Variants in LEPR observed in about 807,000 individuals in gnomAD.
LEPR encodes OB receptor.
In LEPR, 56 loss-of-function variants were observed where a neutral mutation model predicts 114.7. The observed-to-expected ratio is 0.49, with a 90% confidence interval of 0.39 to 0.61. LEPR has a LOEUF of 0.61. LEPR is among the 20% of genes least tolerant of loss of function. The pLI is 0.00. For synonymous variants in LEPR, 443 were observed against 461.4 expected (o/e 0.96, Z 0.51); for missense variants, 1,202 against 1,352.9 (o/e 0.89, Z 1.75).
intron 5 of LEPR, chr1:65,577,720 G>T: frequency 5.8e-6 from 1 of 173,816 alleles, no homozygotes; most frequent in African/African-American, 2.4e-5. Flanking sequence ...GCTTCGAACT[G>T]TGGCTCTAGT....
chr1:65,586,864 A>G (rs1655350612), intron 5 of LEPR, among the ~76,000 whole-genome samples: 1 of 152,114 alleles, frequency 6.6e-6, no homozygotes, highest in Non-Finnish European at 1.5e-5. Flanking sequence ...TAATGTAGAT[A>G]CTATATAGTC....
chr1:65,507,499 GTA>G (rs202129292), intron 2 of LEPR, among the ~76,000 whole-genome samples: 6,559 of 137,986 alleles, frequency 0.048, 494 homozygotes, highest in African/African-American at 0.17. Context: ...ATATGTGTGT[GTA>G]TATATATATA....
rs548848340 is a variant in LEPR, at chr1:65,570,728, G to A, written c.296G>A (p.Cys99Tyr). ...CCFRSEQDRN[C>Y]SLCADNIEGK... ...TTTCGGAGTGAGCAAGATAGAAACTGCTCCTTATGTGCAGACAACATTGAA... is the reference window on the plus strand; with the variant it reads ...TTTCGGAGTGAGCAAGATAGAAACTACTCCTTATGTGCAGACAACATTGAA... Residue 99 changes from cysteine (C) to tyrosine (Y), a missense_variant, in exon 4 of 20, where the codon TGC becomes TAC. Transcript: ENST00000349533. 117 of 1,609,092 alleles carry A rather than the reference G, an allele frequency of 7.3e-5. No homozygotes were observed. In the Middle Eastern group the frequency reaches 9.9e-4, roughly 14 times the overall value.
At chr1:65,483,955 T>C (rs1209830008) in intron 2 of LEPR, among the ~76,000 whole-genome samples, 2 of 152,148 alleles carry the variant, frequency 1.3e-5, no homozygotes, top group Non-Finnish European at 2.9e-5. Flanking sequence ...CCTTTTTTTT[T>C]TGAGATAAAG....
chr1:65,465,538 G>C (rs1646999970), intron 2 of LEPR, among the ~76,000 whole-genome samples: 1 of 152,146 alleles, frequency 6.6e-6, no homozygotes, highest in Non-Finnish European at 1.5e-5. Context: ...ATGTCTATTA[G>C]GTCCACTTGG....
chr1:65,461,549 G>A (rs1353323043), intron 2 of LEPR, among the ~76,000 whole-genome samples: 1 of 152,168 alleles, frequency 6.6e-6, no homozygotes, highest in Non-Finnish European at 1.5e-5. Context: ...AAATATCCAC[G>A]AGTCTGTCCA....
intron 19 of LEPR, chr1:65,634,709 T>C (rs1450849743): frequency 1.1e-6 from 1 of 952,266 alleles, no homozygotes; most frequent in Non-Finnish European, 1.2e-6. Context: ...TTTTTTTGTA[T>C]GTATTCCTTG....
chr1:65,603,395 A>G (rs1656586770), intron 10 of LEPR, among the ~76,000 whole-genome samples: 1 of 152,104 alleles, frequency 6.6e-6, no homozygotes, highest in African/African-American at 2.4e-5. Context: ...AATTTTGAGA[A>G]GACAAGAAAA....
At chr1:65,426,127 G>T (rs996358472) in intron 2 of LEPR, among the ~76,000 whole-genome samples, 7 of 134,164 alleles carry the variant, frequency 5.2e-5, no homozygotes, top group African/African-American at 2.7e-4. Flanking sequence ...CCTCTCAGAG[G>T]AGGTAAAAAG....
chr1:65,442,791 A>C (rs1211516132), intron 2 of LEPR, among the ~76,000 whole-genome samples: 1 of 152,226 alleles, frequency 6.6e-6, no homozygotes, highest in African/African-American at 2.4e-5. Context: ...ACAAAGATCA[A>C]ATAACAGTGC....
At chr1:65,503,975 G>A (rs1222513208) in intron 2 of LEPR, among the ~76,000 whole-genome samples, 2 of 152,062 alleles carry the variant, frequency 1.3e-5, no homozygotes, top group East Asian at 3.9e-4. Context: ...TACAATATAA[G>A]TCTGGAGCAT....
intron 2 of LEPR, among the ~76,000 whole-genome samples, chr1:65,487,359 T>C (rs1204996921): frequency 6.6e-6 from 1 of 152,160 alleles, no homozygotes; most frequent in East Asian, 1.9e-4. Context: ...GTTTGTCATA[T>C]CTATTTTGAG....
At chr1:65,440,903 G>T (rs1316844408) in intron 2 of LEPR, among the ~76,000 whole-genome samples, 2 of 152,162 alleles carry the variant, frequency 1.3e-5, no homozygotes, top group Admixed American at 1.3e-4. Context: ...AATCAATCAT[G>T]TTTATGTCTT....
At chr1:65,596,694 C>T in intron 7 of LEPR, 101 bp downstream of exon 7, 1 of 1,030,274 alleles carries the variant, frequency 9.7e-7, no homozygotes, top group Middle Eastern at 3.2e-4. Flanking sequence ...ATATACATTT[C>T]TTCTAAAGCA....
intron 14 of LEPR, among the ~76,000 whole-genome samples, chr1:65,612,095 C>G (rs1441741898): frequency 6.6e-6 from 1 of 152,176 alleles, no homozygotes; most frequent in East Asian, 1.9e-4. Flanking sequence ...GATTACGGTT[C>G]TCCAAGCCTA....
intron 14 of LEPR, among the ~76,000 whole-genome samples, chr1:65,612,198 C>A (rs1287271173): frequency 3.9e-5 from 6 of 152,152 alleles, no homozygotes; most frequent in Non-Finnish European, 1.5e-5. Context: ...ATTTCTCTGG[C>A]ATTTTTAAAA....
chr1:65,634,903 G>C (rs901112939), intron 19 of LEPR: 2 of 825,116 alleles, frequency 2.4e-6, no homozygotes, highest in South Asian at 1.1e-4. Flanking sequence ...CATAGGAACA[G>C]TTTTCTCTTC....
chr1:65,497,655 G>A (rs1648233918), intron 2 of LEPR, among the ~76,000 whole-genome samples: 1 of 152,084 alleles, frequency 6.6e-6, no homozygotes, highest in South Asian at 2.1e-4. Context: ...CAAGCCTCAG[G>A]ACATATAAAC....
Position 65,637,243 on chromosome 1 carries a change from A to C in LEPR, c.*228A>C. ...CTCTTCTATTTTATTCCCAAGCTCT[A>C]GTGGGAAGGTCCCTTGTTTCCAGCT... On this transcript the variant is annotated 3_prime_UTR_variant, in exon 20 of 20. Transcript: ENST00000349533. 2.3e-6 allele frequency: 1 copy of C among 425,962 alleles called. No homozygotes were observed. Among genetic ancestry groups the C allele is most frequent in the Non-Finnish European group, 4.2e-6 (1 of 238,510 alleles). 26.4% of individuals were successfully genotyped at this position (425,962 alleles called of 1,614,324 possible).
Sources: gnomAD v4.1 joint callset for allele counts (sites outside exome capture counted in the v4.1 genomes callset) on GRCh38, gnomAD v4.1.1 for gene constraint, MANE v1.5 for transcripts, NCBI Gene and HGNC (gene_info 2026-07-23, HGNC 2026-07-21) for gene names.